The following ZDHHC21 variants were observed in gnomAD, a reference collection of about 807,000 sequenced individuals.
The protein encoded by ZDHHC21 is zDHHC palmitoyltransferase 21.
ZDHHC21 carries 15 observed loss-of-function variants against 34.6 expected under a neutral mutation model. The ratio of observed to expected loss-of-function variants is 0.43; its 90% CI spans 0.29 to 0.67. The LOEUF (loss-of-function observed/expected upper bound fraction) is 0.67. Among genes scored for constraint, ZDHHC21 ranks in the 30% least tolerant of loss-of-function variants. ZDHHC21 has a pLI of 0.14. For missense variants in ZDHHC21, 344 were observed against 327.7 expected (o/e 1.05, Z -0.38); for synonymous variants, 142 against 101.8 (o/e 1.40, Z -2.38).
intron 7 of ZDHHC21, among the ~76,000 whole-genome samples, chr9:14,640,769 G>A (rs533848960): frequency 4.6e-5 from 7 of 152,158 alleles, no homozygotes; most frequent in Non-Finnish European, 1.0e-4. Flanking sequence ...GCCTAGATAG[G>A]AGGGAGGAAT....
At chr9:14,686,122 G>C (rs181261108) in intron 2 of ZDHHC21, among the ~76,000 whole-genome samples, 1 of 152,044 alleles carries the variant, frequency 6.6e-6, no homozygotes, top group Non-Finnish European at 1.5e-5. Flanking sequence ...GTTAATGGGT[G>C]CAGCAAATCA....
intron 8 of ZDHHC21, among the ~76,000 whole-genome samples, chr9:14,638,693 A>T (rs969698216): frequency 2.0e-5 from 3 of 152,086 alleles, no homozygotes; most frequent in Non-Finnish European, 2.9e-5. Flanking sequence ...AGGTACCATT[A>T]AAAAGTGGGC....
downstream of ZDHHC21, among the ~76,000 whole-genome samples, chr9:14,609,336 C>G (rs28461939): frequency 7.3e-3 from 1,115 of 152,116 alleles, 23 homozygotes; most frequent in African/African-American, 0.026. Flanking sequence ...GCAAGCTGAA[C>G]TAGCCACTTT....
At chr9:14,686,067 G>C (rs1838268211) in intron 2 of ZDHHC21, among the ~76,000 whole-genome samples, 1 of 151,938 alleles carries the variant, frequency 6.6e-6, no homozygotes, top group South Asian at 2.1e-4. Context: ...GGGTGGGGGA[G>C]GGGGGAGGAA....
intron 5 of ZDHHC21, among the ~76,000 whole-genome samples, chr9:14,664,463 G>A (rs558507686): frequency 2.0e-5 from 3 of 151,928 alleles, no homozygotes; most frequent in Admixed American, 2.0e-4. Flanking sequence ...GGCTTGCTTA[G>A]GTAGACAAAG....
chr9:14,642,759 C>T (rs1327077319), intron 7 of ZDHHC21, among the ~76,000 whole-genome samples: 2 of 152,176 alleles, frequency 1.3e-5, no homozygotes, highest in Non-Finnish European at 2.9e-5. Context: ...TTGTAGCCTA[C>T]AGAATGTGAG....
chr9:14,672,531 C>A (rs1038292469), intron 5 of ZDHHC21, among the ~76,000 whole-genome samples: 1 of 151,920 alleles, frequency 6.6e-6, no homozygotes, highest in Non-Finnish European at 1.5e-5. Flanking sequence ...AGATGTTTAA[C>A]CCAGGAAGGA....
At chr9:14,644,612 T>G (rs1829971035) in intron 7 of ZDHHC21, among the ~76,000 whole-genome samples, 1 of 152,084 alleles carries the variant, frequency 6.6e-6, no homozygotes, top group African/African-American at 2.4e-5. Flanking sequence ...TCCTGAATTT[T>G]ATCTTTGTCT....
At chr9:14,623,227 G>A (rs777524123) in intron 8 of ZDHHC21, among the ~76,000 whole-genome samples, 21 of 151,896 alleles carry the variant, frequency 1.4e-4, no homozygotes, top group Admixed American at 7.2e-4. Context: ...ACAACATAGT[G>A]AATGGCTGGG....
chr9:14,688,995 A>G (rs1216098772), intron 2 of ZDHHC21, among the ~76,000 whole-genome samples: 1 of 152,082 alleles, frequency 6.6e-6, no homozygotes, highest in Non-Finnish European at 1.5e-5. Flanking sequence ...GGCTGCAGTG[A>G]GCTGTGACTG....
Position 14,618,535 on chromosome 9 carries a change from A to T in ZDHHC21, c.*431T>A, listed in dbSNP as rs1294879528. ...AAGAAAATTTACCTATACTATAAGA[A>T]GGTGTATCAACTTTTGTAAAACCTG... is the stretch of plus-strand genomic sequence containing the variant. On this transcript the variant is annotated 3_prime_UTR_variant, in exon 10 of 10. Coordinates refer to ENST00000380916, the MANE Select transcript of ZDHHC21 (RefSeq NM_178566.6). 1 of 152,952 alleles carries T rather than the reference A, an allele frequency of 6.5e-6. No individual in the cohort carries two copies. The highest frequency in any genetic ancestry group is 6.5e-5 in the Admixed American group (1 of 15,276). The allele number at this position is 152,952 out of a possible 1,614,324, so 9.5% of individuals were successfully genotyped here.
chr9:14,653,796 T>C (rs1225633450), intron 7 of ZDHHC21, among the ~76,000 whole-genome samples: 1 of 152,020 alleles, frequency 6.6e-6, no homozygotes, highest in Non-Finnish European at 1.5e-5. Flanking sequence ...TGGGAAGAAA[T>C]TTTTTAAACA....
intron 1 of ZDHHC21, 112 bp from the exon 2 acceptor site, chr9:14,690,497 T>C (rs1195406128): frequency 2.9e-5 from 11 of 383,226 alleles, no homozygotes; most frequent in Non-Finnish European, 5.0e-5. Context: ...ATATCAATTT[T>C]ACCCAACCTG....
chr9:14,624,384 C>A (rs985831595), intron 8 of ZDHHC21, among the ~76,000 whole-genome samples: 5 of 152,088 alleles, frequency 3.3e-5, no homozygotes, highest in Admixed American at 1.3e-4. Flanking sequence ...ATGTTTATTG[C>A]AGCACTCTTC....
chr9:14,593,804 T>G, the ZDHHC21 span: 1 of 152,482 alleles, frequency 6.6e-6, no homozygotes, highest in Non-Finnish European at 1.5e-5. Flanking sequence ...TGACCCAGGA[T>G]GGAAAATGGT....
chr9:14,625,234 G>C (rs1273542457), intron 8 of ZDHHC21, among the ~76,000 whole-genome samples: 3 of 152,154 alleles, frequency 2.0e-5, no homozygotes, highest in African/African-American at 4.8e-5. Flanking sequence ...TCAATCAAAA[G>C]AGGGAAATGT....
chr9:14,678,248 T>A (rs1483554833), intron 3 of ZDHHC21, among the ~76,000 whole-genome samples: 1 of 152,012 alleles, frequency 6.6e-6, no homozygotes, highest in East Asian at 1.9e-4. Flanking sequence ...ATTCTTGGAA[T>A]AAGGAAGGCC....
chr9:14,657,057 ACTGT>A (rs747583419), intron 7 of ZDHHC21, among the ~76,000 whole-genome samples: 5 of 152,144 alleles, frequency 3.3e-5, no homozygotes, highest in Non-Finnish European at 5.9e-5. Flanking sequence ...AAAAAAGGTG[ACTGT>A]CTAATTGCCA....
chr9:14,632,120 C>T (rs1827473650), intron 8 of ZDHHC21, among the ~76,000 whole-genome samples: 1 of 151,228 alleles, frequency 6.6e-6, no homozygotes, highest in Non-Finnish European at 1.5e-5. Flanking sequence ...AACAAGTATG[C>T]CTGTATAGCA....
Sources: allele counts gnomAD v4.1 joint callset (sites outside exome capture counted in the v4.1 genomes callset), GRCh38; gene constraint gnomAD v4.1.1; transcripts MANE v1.5; gene names NCBI Gene and HGNC (gene_info 2026-07-23, HGNC 2026-07-21).